Variants in ELFN2 observed in about 807,000 individuals in gnomAD.
ELFN2 encodes the protein protein phosphatase 1 regulatory subunit 29.
In ELFN2, 17 loss-of-function variants were observed where a neutral mutation model predicts 45.5. That is an observed-to-expected ratio of 0.37 (90% CI 0.26 to 0.56). The LOEUF is 0.56. Among genes scored for constraint, ELFN2 ranks in the 20% least tolerant of loss-of-function variants. The probability of loss-of-function intolerance (pLI) is 0.77; values close to 1 mark genes in which losing one functional copy is unlikely to be tolerated. For missense variants in ELFN2, 922 were observed against 1,183.2 expected, an observed-to-expected ratio of 0.78 and a Z score of 3.24; for synonymous variants, 550 against 551.5, an observed-to-expected ratio of 1.00 and a Z score of 0.04.
chr22:37,386,910 G>A (rs948266522), intron 2 of ELFN2, among the ~76,000 whole-genome samples: 32 of 152,332 alleles, frequency 2.1e-4, no homozygotes, highest in Admixed American at 7.2e-4. Context: ...CCTGGGTCTC[G>A]GTTTCCTCTT....
intron 2 of ELFN2, among the ~76,000 whole-genome samples, chr22:37,403,757 C>CA (rs1159836580): frequency 6.6e-6 from 1 of 152,274 alleles, no homozygotes; most frequent in Non-Finnish European, 1.5e-5. Context: ...AGGTCTCACA[C>CA]AGCCAGCCAT....
intron 2 of ELFN2, among the ~76,000 whole-genome samples, chr22:37,399,374 T>C (rs1161071093): frequency 2.0e-5 from 3 of 152,108 alleles, no homozygotes; most frequent in Admixed American, 6.5e-5. Context: ...CCCAGGCCCA[T>C]ACTGGCTCCT....
intron 2 of ELFN2, among the ~76,000 whole-genome samples, chr22:37,383,172 C>T (rs761486594): frequency 6.6e-6 from 1 of 152,126 alleles, no homozygotes; most frequent in Non-Finnish European, 1.5e-5. Flanking sequence ...AGCACCAGTG[C>T]CGATGCGTTC....
chr22:37,360,935 T>C (rs1033274451), intron 1 of ELFN2, among the ~76,000 whole-genome samples: 11 of 152,148 alleles, frequency 7.2e-5, no homozygotes, highest in African/African-American at 2.7e-4. Flanking sequence ...TGCTATGTGA[T>C]GGGTGGACTG....
At chr22:37,350,867 C>T (rs1481779406) in intron 1 of ELFN2, among the ~76,000 whole-genome samples, 1 of 150,192 alleles carries the variant, frequency 6.7e-6, no homozygotes. Context: ...TCGGAGGGGC[C>T]CTCCCCTCTC....
intron 2 of ELFN2, among the ~76,000 whole-genome samples, chr22:37,414,661 TGA>T (rs1932732736): frequency 6.6e-6 from 1 of 152,150 alleles, no homozygotes; most frequent in Non-Finnish European, 1.5e-5. Flanking sequence ...GTGAGAAAAC[TGA>T]GGTTCCCAAG....
Position 37,375,829 on chromosome 22 carries a change from T to G in ELFN2, c.-295A>C. 9 of 438,318 alleles carry G rather than the reference T, an allele frequency of 2.1e-5. No individual in the cohort carries two copies. Among genetic ancestry groups the G allele is most frequent in the Admixed American group, 4.2e-5 (1 of 23,566 alleles). 27.2% of individuals were successfully genotyped at this position (438,318 alleles called of 1,614,324 possible). A position where few individuals can be genotyped will look rare whatever the true frequency, so the allele number is the denominator to read the frequency against. ...GGTGCAAGGGTTCTCAGGGCTTGAC[T>G]TCCTCTCCCTCCTCCTCCTCCTCCT... is the stretch of plus-strand genomic sequence containing the variant. On this transcript the variant is annotated 5_prime_UTR_variant, in exon 3 of 3. Coordinates refer to ENST00000402918, the MANE Select transcript of ELFN2 (RefSeq NM_052906.5).
At chr22:37,358,814 A>G (rs529422921) in intron 1 of ELFN2, among the ~76,000 whole-genome samples, 34 of 152,322 alleles carry the variant, frequency 2.2e-4, no homozygotes, top group Non-Finnish European at 4.3e-4. Context: ...TTGCACCCCA[A>G]GGGGAATGGG....
chr22:37,363,990 C>G (rs1351530602), downstream of ELFN2, among the ~76,000 whole-genome samples: 1 of 151,848 alleles, frequency 6.6e-6, no homozygotes, highest in Non-Finnish European at 1.5e-5. Context: ...AACCAGTTCC[C>G]CATGTGGGAG....
chr22:37,382,294 C>CT (rs11357026), intron 2 of ELFN2, among the ~76,000 whole-genome samples: 12 of 151,358 alleles, frequency 7.9e-5, no homozygotes, highest in African/African-American at 2.2e-4. Context: ...ACTGGTTCTC[C>CT]TTTTTTTTTT....
At chr22:37,355,557 C>T (rs1930928554) in intron 1 of ELFN2, among the ~76,000 whole-genome samples, 1 of 152,218 alleles carries the variant, frequency 6.6e-6, no homozygotes, top group Admixed American at 6.5e-5. Context: ...GCAGCGGGGC[C>T]ATCCCTGAGC....
rs144664811 is a variant in ELFN2 at position 37,411,873 on chromosome 22, G to A, written c.-463+5896C>T. On this transcript the variant is annotated intron_variant, in intron 2 of 2. Transcript: ENST00000402918. Reference sequence around the variant, plus strand: ...GACCAGGACATGTGACCACTCAGGCGTGGGATCTAACTCACAAGGTCTCAC... The same window carrying A: ...GACCAGGACATGTGACCACTCAGGCATGGGATCTAACTCACAAGGTCTCAC... 9.9e-5 allele frequency among the ~76,000 whole-genome samples: 15 copies of A among 152,180 alleles called. No homozygotes were observed. In the East Asian group the frequency reaches 1.2e-3, roughly 12 times the overall value.
At chr22:37,365,877 TG>T (rs1931193130), downstream of ELFN2, among the ~76,000 whole-genome samples, 1 of 148,502 alleles carries the variant, frequency 6.7e-6, no homozygotes, top group African/African-American at 2.5e-5. Context: ...TTCACCTTTT[TG>T]TCATCTATAT....
chr22:37,342,727 C>T (rs971247592), intron 1 of ELFN2: 2 of 149,730 alleles, frequency 1.3e-5, no homozygotes, highest in African/African-American at 2.5e-5. Context: ...GGAAAATGAA[C>T]CTTTCATCAG....
intron 2 of ELFN2, among the ~76,000 whole-genome samples, chr22:37,342,239 C>T (rs896226915): frequency 1.3e-5 from 2 of 152,188 alleles, no homozygotes; most frequent in Non-Finnish European, 2.9e-5. Context: ...TGCTCAAAAA[C>T]CTTCCATGGC....
At chr22:37,346,352 G>T (rs971913162) in intron 1 of ELFN2, among the ~76,000 whole-genome samples, 1 of 152,060 alleles carries the variant, frequency 6.6e-6, no homozygotes, top group Non-Finnish European at 1.5e-5. Context: ...CCGCCCCAGA[G>T]TCCAGAGTGC....
At chr22:37,347,070 C>A (rs564981242) in intron 1 of ELFN2, among the ~76,000 whole-genome samples, 19 of 152,150 alleles carry the variant, frequency 1.2e-4, no homozygotes, top group Non-Finnish European at 2.5e-4. Context: ...CCTCTGCCCC[C>A]CCGGTTCAAG....
chr22:37,406,589 C>T (rs1360942424), intron 2 of ELFN2, among the ~76,000 whole-genome samples: 1 of 152,236 alleles, frequency 6.6e-6, no homozygotes, highest in Admixed American at 6.5e-5. Context: ...CAGCCCCTCC[C>T]GTCCCCCGCT....
chr22:37,388,821 G>T (rs186315099), intron 2 of ELFN2, among the ~76,000 whole-genome samples: 1 of 152,194 alleles, frequency 6.6e-6, no homozygotes, highest in African/African-American at 2.4e-5. Context: ...GTGGCTGATA[G>T]GGCAGAAACT....
Sources: allele counts gnomAD v4.1 joint callset (sites outside exome capture counted in the v4.1 genomes callset), GRCh38; gene constraint gnomAD v4.1.1; transcripts MANE v1.5; gene names NCBI Gene and HGNC (gene_info 2026-07-23, HGNC 2026-07-21).